FAT3: variants seen among roughly 807,000 people sequenced by gnomAD.
FAT3 encodes FAT atypical cadherin 3, also known as protocadherin Fat 3.
FAT3 carries 95 observed loss-of-function variants against 310.2 expected under a neutral mutation model. The observed-to-expected ratio is 0.31, with a 90% CI of 0.26 to 0.36. The LOEUF (loss-of-function observed/expected upper bound fraction) is 0.36. FAT3 is among the 10% of genes least tolerant of loss of function. The pLI, the probability that FAT3 is intolerant of heterozygous loss-of-function variation, is 1.00. For missense variants in FAT3, 5,408 were observed against 5,715.6 expected (o/e 0.95, Z 1.74); for synonymous variants, 2,314 against 2,192.9 (o/e 1.06, Z -1.54).
intron 1 of FAT3, among the ~76,000 whole-genome samples, chr11:92,334,621 A>G (rs1948006884): frequency 6.6e-6 from 1 of 152,184 alleles, no homozygotes; most frequent in East Asian, 1.9e-4. Flanking sequence ...CTGTCAACAA[A>G]GAAGTGATTC....
intron 6 of FAT3, among the ~76,000 whole-genome samples, chr11:92,770,582 C>T (rs1033272547): frequency 6.6e-6 from 1 of 152,118 alleles, no homozygotes; most frequent in Non-Finnish European, 1.5e-5. Context: ...TCGGCAGCTC[C>T]GTGTTCTGGA....
At chr11:92,584,284 T>A (rs1198801007) in intron 3 of FAT3, among the ~76,000 whole-genome samples, 4 of 151,996 alleles carry the variant, frequency 2.6e-5, no homozygotes, top group Non-Finnish European at 5.9e-5. Context: ...GGCAATAACA[T>A]TGGTGACTGT....
chr11:92,675,728 G>A (rs1026676778), intron 3 of FAT3, among the ~76,000 whole-genome samples: 4 of 152,136 alleles, frequency 2.6e-5, no homozygotes, highest in Non-Finnish European at 5.9e-5. Flanking sequence ...AAGAACTTGG[G>A]TCAAATTGAA....
At chr11:92,697,348 G>A in intron 3 of FAT3, 36 bp from the exon 4 acceptor site, 1 of 1,600,888 alleles carries the variant, frequency 6.2e-7, no homozygotes, top group Non-Finnish European at 8.6e-7. Context: ...GTTTGCCCCA[G>A]ATATTTAAAA....
intron 14 of FAT3, among the ~76,000 whole-genome samples, 198 bp downstream of exon 14, chr11:92,832,209 A>G (rs1948281204): frequency 6.6e-6 from 1 of 152,114 alleles, no homozygotes; most frequent in Admixed American, 6.5e-5. Context: ...GGTGGTATGC[A>G]CCTGTGGTCC....
At position 92,227,067 on chromosome 11, in the gene FAT3, G is replaced by A. The variant is rs375403802; in HGVS notation, c.-18+1893G>A. On this transcript the variant is annotated intron_variant, in intron 1 of 27. Transcript: ENST00000525166. Reference sequence around the variant, plus strand: ...GGGGAGGGGGCGAGCTGTCTGGGCAGTGCCTGGGGAGGTGCGACGCGCCCA... The same window carrying A: ...GGGGAGGGGGCGAGCTGTCTGGGCAATGCCTGGGGAGGTGCGACGCGCCCA... 2.6e-5 allele frequency among the ~76,000 whole-genome samples: 4 copies of A among 152,368 alleles called. No individual in the cohort carries two copies. In the East Asian group the frequency reaches 7.7e-4, roughly 29 times the overall value.
intron 3 of FAT3, among the ~76,000 whole-genome samples, chr11:92,628,443 T>G (rs1224680240): frequency 6.6e-6 from 1 of 152,112 alleles, no homozygotes; most frequent in African/African-American, 2.4e-5. Flanking sequence ...CCCTTTTTTG[T>G]GAGCAGCTAT....
At chr11:92,556,697 C>G (rs1333598456) in intron 3 of FAT3, among the ~76,000 whole-genome samples, 1 of 152,180 alleles carries the variant, frequency 6.6e-6, no homozygotes, top group Non-Finnish European at 1.5e-5. Context: ...ATTTATCATG[C>G]TGTAACTCTG....
At chr11:92,815,202 G>A (rs564877558) in intron 13 of FAT3, among the ~76,000 whole-genome samples, 1 of 152,230 alleles carries the variant, frequency 6.6e-6, no homozygotes, top group East Asian at 1.9e-4. Flanking sequence ...GAAAACCAGG[G>A]ACTAGGAAAG....
At position 92,354,014 on chromosome 11, in the gene FAT3, GC is replaced by G; in HGVS notation, c.1903del (p.Lys637AsnfsTer3). Reference sequence around the variant, plus strand: ...TAAACCCAGATTCTGGTGTTTTACAGCTTAAAAAATCACTGACAAATTCTGG... The same window carrying G: ...TAAACCCAGATTCTGGTGTTTTACAGTTAAAAAATCACTGACAAATTCTGG... ...YLNPDSGVLQ[L>X]KKSLTNSGIK... On this transcript the variant is annotated frameshift_variant, in exon 2 of 28. Coordinates refer to ENST00000525166, the MANE Select transcript of FAT3 (RefSeq NM_001367949.2). LOFTEE classifies it high-confidence loss of function. 6.2e-7 allele frequency: 1 copy of G among 1,613,074 alleles called. No individual in the cohort carries two copies.
intron 3 of FAT3, among the ~76,000 whole-genome samples, chr11:92,665,400 G>C (rs1324685100): frequency 6.6e-6 from 1 of 152,162 alleles, no homozygotes; most frequent in Admixed American, 6.5e-5. Context: ...TGTTCATCTG[G>C]TTCTGTTGAC....
chr11:92,623,399 T>C (rs1414123130), intron 3 of FAT3, among the ~76,000 whole-genome samples: 2 of 152,228 alleles, frequency 1.3e-5, no homozygotes, highest in African/African-American at 2.4e-5. Flanking sequence ...ACTATCTATA[T>C]GCTATTAAGT....
intron 9 of FAT3, among the ~76,000 whole-genome samples, chr11:92,793,338 C>G (rs1947084984): frequency 6.6e-6 from 1 of 152,132 alleles, no homozygotes; most frequent in Admixed American, 6.5e-5. Flanking sequence ...TGAGGCCTGC[C>G]AGGGTGTTCT....
rs773664391 is a variant in FAT3, at chr11:92,774,077, G to A, written c.4232G>A (p.Gly1411Asp). The change falls in exon 7 of 28, where the codon GGT (glycine) becomes GAT (aspartate). Residue 1411 changes from glycine to aspartate, a missense_variant. Around this residue, in one of 5 missense-constraint regions of FAT3, gnomAD observed 4,588 missense variants for 4,809.8 expected, o/e 0.95. Coordinates refer to ENST00000525166, the MANE Select transcript of FAT3 (RefSeq NM_001367949.2). Reference sequence around the variant, plus strand: ...GACAGCGCTTTTGATGCAGAGAAGGGTGTTGGGACAATTGTCATCGCAAAA... The same window carrying A: ...GACAGCGCTTTTGATGCAGAGAAGGATGTTGGGACAATTGTCATCGCAAAA... ...NFDSAFDAEK[G>D]VGTIVIAKPL... 7 of 1,613,624 alleles carry A rather than the reference G, an allele frequency of 4.3e-6. No homozygotes were observed. In the South Asian group the frequency reaches 4.4e-5, roughly 10 times the overall value.
chr11:92,834,676 T>C (rs1948352878), intron 14 of FAT3, among the ~76,000 whole-genome samples, 194 bp from the exon 15 acceptor site: 1 of 152,242 alleles, frequency 6.6e-6, no homozygotes, highest in South Asian at 2.1e-4. Context: ...GTGTTATGTT[T>C]GATGGATAGC....
intron 22 of FAT3, among the ~76,000 whole-genome samples, chr11:92,875,688 A>G (rs1949515377): frequency 6.6e-6 from 1 of 152,148 alleles, no homozygotes; most frequent in African/African-American, 2.4e-5. Flanking sequence ...AAATTCCTGA[A>G]TATTTAACAG....
chr11:92,867,753 TAA>T (rs915423954), intron 22 of FAT3, among the ~76,000 whole-genome samples: 3 of 152,148 alleles, frequency 2.0e-5, no homozygotes, highest in African/African-American at 7.2e-5. Context: ...ATATTAAAAA[TAA>T]GTCTAGTTAC....
chr11:92,673,237 C>T (rs372748085), intron 3 of FAT3, among the ~76,000 whole-genome samples: 32 of 152,054 alleles, frequency 2.1e-4, no homozygotes, highest in Non-Finnish European at 3.2e-4. Context: ...TTTGGGGCTC[C>T]GCAAAGAAGT....
intron 2 of FAT3, among the ~76,000 whole-genome samples, chr11:92,416,403 A>G (rs9783344): frequency 0.047 from 7,120 of 151,540 alleles, 533 homozygotes; most frequent in African/African-American, 0.15. Flanking sequence ...AAAAAGAAAG[A>G]AAGAAAAAAA....
Sources: allele counts gnomAD v4.1 joint callset (sites outside exome capture counted in the v4.1 genomes callset), GRCh38; gene constraint gnomAD v4.1.1; regional missense constraint gnomAD v4.1.1; transcripts MANE v1.5; gene names NCBI Gene and HGNC (gene_info 2026-07-23, HGNC 2026-07-21).